Variants in ACTN4 observed in about 807,000 individuals in gnomAD.
The protein encoded by ACTN4 is actinin alpha 4, also known as alpha-actinin-4.
In ACTN4, 18 loss-of-function variants were observed where a neutral mutation model predicts 114.2. That is an observed-to-expected ratio of 0.16 (90% confidence interval 0.11 to 0.23). ACTN4 has a LOEUF of 0.23. Ranked by LOEUF, ACTN4 falls within the 10% of genes least tolerant of loss-of-function variation. The probability of loss-of-function intolerance (pLI) is 1.00; values close to 1 mark genes in which losing one functional copy is unlikely to be tolerated. For missense variants in ACTN4, 722 were observed against 1,262.9 expected (o/e 0.57, Z 6.49); for synonymous variants, 515 against 506.3 (o/e 1.02, Z -0.23).
At position 38,725,920 on chromosome 19, in the gene ACTN4, C is replaced by A. The variant is rs201589746; in HGVS notation, c.2190+17C>A. The A allele has an allele frequency of 6.2e-7, 1 of 1,613,266 alleles. No homozygotes were observed. Among genetic ancestry groups the A allele is most frequent in the African/African-American group, 1.3e-5 (1 of 75,054 alleles). On this transcript the variant is annotated intron_variant, in intron 17 of 20. Transcript: ENST00000252699. ...ACCATGGAGGTGCGCGGCTGCCCCGCCCGCTGGCCTTTCCACCAGCATGGC... is the reference window on the plus strand; with the variant it reads ...ACCATGGAGGTGCGCGGCTGCCCCGACCGCTGGCCTTTCCACCAGCATGGC...
At chr19:38,649,519 C>A (rs1186876796) in intron 1 of ACTN4, among the ~76,000 whole-genome samples, 1 of 152,098 alleles carries the variant, frequency 6.6e-6, no homozygotes, top group Non-Finnish European at 1.5e-5. Context: ...ACTCTCCGGG[C>A]AGTTTTGTTA....
intron 1 of ACTN4, among the ~76,000 whole-genome samples, chr19:38,677,923 C>A (rs1281883241): frequency 3.3e-5 from 5 of 152,076 alleles, no homozygotes; most frequent in African/African-American, 1.2e-4. Context: ...GACAATGTTT[C>A]ACCATGTTGG....
At chr19:38,670,380 A>G (rs1467927567) in intron 1 of ACTN4, among the ~76,000 whole-genome samples, 1 of 152,214 alleles carries the variant, frequency 6.6e-6, no homozygotes, top group Non-Finnish European at 1.5e-5. Flanking sequence ...TGCTCAGAGC[A>G]GGTGATCCTG....
intron 7 of ACTN4, 48 bp from the exon 8 acceptor site, chr19:38,710,209 C>T (rs1298344942): frequency 6.2e-7 from 1 of 1,603,904 alleles, no homozygotes; most frequent in Admixed American, 1.7e-5. Context: ...GTGACGCCTC[C>T]ACCCCCCGCC....
chr19:38,687,008 G>C (rs1967767776), intron 1 of ACTN4, among the ~76,000 whole-genome samples: 1 of 145,946 alleles, frequency 6.9e-6, no homozygotes, highest in South Asian at 2.3e-4. Context: ...CTGTTGCCCA[G>C]GCTGGAGTAC....
chr19:38,725,246 G>A (rs1481366494), intron 16 of ACTN4, among the ~76,000 whole-genome samples: 2 of 152,134 alleles, frequency 1.3e-5, no homozygotes, highest in African/African-American at 4.8e-5. Context: ...GAGGGGGTCC[G>A]GGTGCCAGGC....
intron 1 of ACTN4, among the ~76,000 whole-genome samples, chr19:38,691,013 C>T (rs1272441371): frequency 6.6e-6 from 1 of 152,182 alleles, no homozygotes; most frequent in Non-Finnish European, 1.5e-5. Context: ...CAGTGGGTTC[C>T]CACAGCAAAC....
chr19:38,723,916 C>G (rs368388698), intron 13 of ACTN4, 21 bp from the exon 14 acceptor site: 1 of 1,612,848 alleles, frequency 6.2e-7, no homozygotes, highest in South Asian at 1.1e-5. Flanking sequence ...TGTCCCTGCC[C>G]CCTTCCCTCC....
At chr19:38,663,491 A>G (rs1196874158) in intron 1 of ACTN4, among the ~76,000 whole-genome samples, 3 of 152,160 alleles carry the variant, frequency 2.0e-5, no homozygotes. Context: ...ACAGCACTCT[A>G]GCTGTGTCCC....
At chr19:38,710,156 C>A (rs1014180207) in intron 7 of ACTN4, 101 bp from the exon 8 acceptor site, 8 of 1,249,486 alleles carry the variant, frequency 6.4e-6, no homozygotes, top group Non-Finnish European at 9.4e-6. Flanking sequence ...GCAGGTCCCT[C>A]TCCCCCAAGG....
rs150436079 is a variant in ACTN4 at position 38,665,128 on chromosome 19, A to C, written c.162+17221A>C. On this transcript the variant is annotated intron_variant, in intron 1 of 20. Transcript: ENST00000252699. ...CCGGGAGGGGGTGTTGAGAGCACTG[A>C]AGCTCCTGTGGGAGAGTGCCTTTGA... Among the ~76,000 whole-genome samples the C allele has an allele frequency of 3.8e-3, 576 of 152,194 alleles. 4 individuals are homozygous for C. The highest frequency in any genetic ancestry group is 0.013 in the African/African-American group (546 of 41,512).
intron 1 of ACTN4, among the ~76,000 whole-genome samples, chr19:38,697,914 G>A (rs903562044): frequency 6.6e-6 from 1 of 152,206 alleles, no homozygotes; most frequent in African/African-American, 2.4e-5. Context: ...TGGGCTCCAC[G>A]CCTGCTTGCT....
intron 1 of ACTN4, among the ~76,000 whole-genome samples, chr19:38,699,052 G>T (rs747469678): frequency 1.3e-5 from 2 of 152,234 alleles, no homozygotes; most frequent in African/African-American, 4.8e-5. Context: ...GCAGATGGAG[G>T]GGGTGGGGTA....
chr19:38,677,450 A>G (rs949091929), intron 1 of ACTN4, among the ~76,000 whole-genome samples: 2 of 152,050 alleles, frequency 1.3e-5, no homozygotes, highest in South Asian at 4.2e-4. Flanking sequence ...TTGTCGAGAC[A>G]CTCAAACAAG....
Position 38,717,363 on chromosome 19 carries a change from G to A in ACTN4, c.1143+47G>A. 6.3e-7 allele frequency: 1 copy of A among 1,595,394 alleles called. No homozygotes were observed. The highest frequency in any genetic ancestry group is 1.3e-5 in the African/African-American group (1 of 74,600). ...GGAGCAGCTGTGAGGGGCAGAGGCA[G>A]CCCTAGAACTGCCTGTGGGCAGTTT... On this transcript the variant is annotated intron_variant, in intron 10 of 20. Coordinates refer to ENST00000252699, the MANE Select transcript of ACTN4 (RefSeq NM_004924.6). This position sits in a 1 kb window ranked among gnomAD's most constrained non-coding sequence, Gnocchi z 4.0.
chr19:38,701,306 C>T (rs1968268016), intron 3 of ACTN4, among the ~76,000 whole-genome samples, 185 bp downstream of exon 3: 1 of 152,116 alleles, frequency 6.6e-6, no homozygotes, highest in Non-Finnish European at 1.5e-5. Context: ...CCCACAAGCT[C>T]CCCCAAACCC....
At chr19:38,681,870 G>A (rs779423036) in intron 1 of ACTN4, among the ~76,000 whole-genome samples, 2 of 152,068 alleles carry the variant, frequency 1.3e-5, no homozygotes, top group Admixed American at 6.5e-5. Flanking sequence ...TTGCTCTGTT[G>A]GTCAGGCTGG....
At chr19:38,656,621 C>T (rs995775895) in intron 1 of ACTN4, among the ~76,000 whole-genome samples, 2 of 152,192 alleles carry the variant, frequency 1.3e-5, no homozygotes, top group South Asian at 2.1e-4. Flanking sequence ...GCAGTTACTA[C>T]CCTGCAGAAC....
chr19:38,713,693 C>T (rs1442459258), intron 8 of ACTN4, among the ~76,000 whole-genome samples: 4 of 152,232 alleles, frequency 2.6e-5, no homozygotes, highest in Non-Finnish European at 5.9e-5. Context: ...CATTTTCCTT[C>T]CCCATCACTC....
Sources: gnomAD v4.1 joint callset for allele counts (sites outside exome capture counted in the v4.1 genomes callset) on GRCh38, gnomAD v4.1.1 for gene constraint, Gnocchi (gnomAD v3.1) non-coding constraint, MANE v1.5 for transcripts, NCBI Gene and HGNC (gene_info 2026-07-23, HGNC 2026-07-21) for gene names.